Variants in PAQR5 observed in about 807,000 individuals in gnomAD.
PAQR5 encodes membrane progestin receptor gamma.
In PAQR5, 20 loss-of-function variants were observed where a neutral mutation model predicts 34.5. The observed-to-expected ratio is 0.58, with a 90% confidence interval of 0.41 to 0.84. PAQR5 has a LOEUF of 0.84. PAQR5 is among the 40% of genes least tolerant of loss of function. PAQR5 has a pLI of 0.00. For missense variants in PAQR5, 378 were observed against 412.7 expected (o/e 0.92, Z 0.73); for synonymous variants, 131 against 155.6 (o/e 0.84, Z 1.18).
intron 3 of PAQR5, among the ~76,000 whole-genome samples, chr15:69,368,463 A>T (rs950291663): frequency 6.6e-6 from 1 of 152,232 alleles, no homozygotes; most frequent in African/African-American, 2.4e-5. Context: ...TATTTGGTGA[A>T]CACCAACTGT....
intron 3 of PAQR5, among the ~76,000 whole-genome samples, chr15:69,364,512 A>G (rs2055334851): frequency 1.4e-5 from 2 of 148,054 alleles, no homozygotes; most frequent in Non-Finnish European, 3.0e-5. Context: ...ATATATATAC[A>G]TTATATATGT....
At chr15:69,368,163 C>T (rs1320782481) in intron 3 of PAQR5, among the ~76,000 whole-genome samples, 1 of 124,370 alleles carries the variant, frequency 8.0e-6, no homozygotes, top group Admixed American at 9.1e-5. Context: ...AAACAATTCT[C>T]CTGCCTCAGC....
At chr15:69,355,917 G>A (rs2055066189) in intron 2 of PAQR5, among the ~76,000 whole-genome samples, 1 of 151,938 alleles carries the variant, frequency 6.6e-6, no homozygotes, top group African/African-American at 2.4e-5. Context: ...GCAGCCCACA[G>A]AGAATAATCA....
intron 1 of PAQR5, among the ~76,000 whole-genome samples, chr15:69,329,846 T>A (rs1381783180): frequency 6.6e-6 from 1 of 152,182 alleles, no homozygotes; most frequent in Non-Finnish European, 1.5e-5. Context: ...CTCTCCTGAA[T>A]GTGTTCTTTG....
chr15:69,358,499 T>A (rs1273557706), intron 2 of PAQR5, among the ~76,000 whole-genome samples: 2 of 152,114 alleles, frequency 1.3e-5, no homozygotes, highest in Non-Finnish European at 2.9e-5. Context: ...CAGCCTCTGG[T>A]GGAGTGGAGA....
chr15:69,343,984 C>T (rs1412746267), intron 2 of PAQR5, among the ~76,000 whole-genome samples: 1 of 152,184 alleles, frequency 6.6e-6, no homozygotes, highest in African/African-American at 2.4e-5. Context: ...CAGGCACATG[C>T]CACCATGCCT....
chr15:69,326,873 T>C (rs1259340920), intron 1 of PAQR5, among the ~76,000 whole-genome samples: 2 of 136,670 alleles, frequency 1.5e-5, no homozygotes, highest in Admixed American at 1.5e-4. Context: ...TGAACAAACA[T>C]GGATGCATTG....
chr15:69,306,448 G>A (rs961751531), intron 1 of PAQR5, among the ~76,000 whole-genome samples: 2 of 110,072 alleles, frequency 1.8e-5, no homozygotes, highest in African/African-American at 3.4e-5. Flanking sequence ...GTCTCGATCT[G>A]TTGCCCAGGC....
intron 5 of PAQR5, among the ~76,000 whole-genome samples, chr15:69,387,071 G>A (rs1001293553): frequency 6.8e-6 from 1 of 147,910 alleles, no homozygotes; most frequent in Non-Finnish European, 1.5e-5. Context: ...CTCAGGCCCC[G>A]GCCTCTCACT....
chr15:69,303,358 G>T (rs912217143), intron 1 of PAQR5, among the ~76,000 whole-genome samples: 1 of 152,076 alleles, frequency 6.6e-6, no homozygotes, highest in Non-Finnish European at 1.5e-5. Context: ...TACCCAAAGG[G>T]GCAGCTCCCA....
At chr15:69,363,220 T>C (rs2055288163) in intron 3 of PAQR5, among the ~76,000 whole-genome samples, 1 of 152,208 alleles carries the variant, frequency 6.6e-6, no homozygotes, top group Non-Finnish European at 1.5e-5. Flanking sequence ...CCTGGTCCAT[T>C]CTTGGTGCAT....
intron 1 of PAQR5, among the ~76,000 whole-genome samples, chr15:69,306,773 A>C (rs2053727071): frequency 6.6e-6 from 1 of 152,030 alleles, no homozygotes; most frequent in Non-Finnish European, 1.5e-5. Flanking sequence ...AACCATCACC[A>C]CCATCCATCT....
At chr15:69,390,366 T>TTTTTTTTTTG (rs1180192446) in intron 6 of PAQR5, among the ~76,000 whole-genome samples, 1 of 149,616 alleles carries the variant, frequency 6.7e-6, no homozygotes. Flanking sequence ...ATTTATTTTT[T>TTTTTTTTTTG]TGAGACAGGG....
At chr15:69,339,564 C>T (rs2054592354) in intron 2 of PAQR5, among the ~76,000 whole-genome samples, 1 of 152,148 alleles carries the variant, frequency 6.6e-6, no homozygotes, top group South Asian at 2.1e-4. Flanking sequence ...CCTCTGCCTC[C>T]CAGGTTCAAG....
At chr15:69,317,084 G>T (rs1008213721) in intron 1 of PAQR5, among the ~76,000 whole-genome samples, 4 of 152,210 alleles carry the variant, frequency 2.6e-5, no homozygotes, top group Non-Finnish European at 5.9e-5. Flanking sequence ...CCCCCAAAGT[G>T]CTGGGATTAC....
chr15:69,388,103 G>A (rs1460075637), intron 5 of PAQR5, among the ~76,000 whole-genome samples: 1 of 151,986 alleles, frequency 6.6e-6, no homozygotes, highest in African/African-American at 2.4e-5. Flanking sequence ...GATTCCATCT[G>A]GGACTCCCGG....
intron 8 of PAQR5, among the ~76,000 whole-genome samples, chr15:69,400,658 T>TGA (rs367616995): frequency 8.7e-4 from 132 of 151,876 alleles, no homozygotes; most frequent in African/African-American, 3.0e-3. Flanking sequence ...CTAGCCTGGG[T>TGA]GAGAGAGATC....
chr15:69,300,929 C>CTTTCTTTCCT (rs2053576052), intron 1 of PAQR5, among the ~76,000 whole-genome samples: 1 of 13,498 alleles, frequency 7.4e-5, no homozygotes, highest in African/African-American at 1.6e-4. Context: ...CTCTCTCTCT[C>CTTTCTTTCCT]TCTCTCTCTC....
intron 1 of PAQR5, among the ~76,000 whole-genome samples, chr15:69,300,151 C>A (rs1278272151): frequency 6.6e-6 from 1 of 152,044 alleles, no homozygotes; most frequent in East Asian, 1.9e-4. Flanking sequence ...CCACTCCCCA[C>A]CCCCCTAGGT....
Sources: gnomAD v4.1 joint callset for allele counts (sites outside exome capture counted in the v4.1 genomes callset) on GRCh38, gnomAD v4.1.1 for gene constraint, MANE v1.5 for transcripts, NCBI Gene and HGNC (gene_info 2026-07-23, HGNC 2026-07-21) for gene names.